Variants in CASK observed in about 807,000 individuals in gnomAD.
The protein encoded by CASK is calcium/calmodulin dependent serine protein kinase, also known as peripheral plasma membrane protein CASK.
Under a neutral mutation model 82.9 loss-of-function variants are expected in CASK, and 4 were observed. That is an observed-to-expected ratio of 0.05 (90% confidence interval 0.02 to 0.11). The LOEUF is 0.11. CASK is among the 10% of genes least tolerant of loss of function. The probability of loss-of-function intolerance (pLI) is 1.00; values close to 1 mark genes in which losing one functional copy is unlikely to be tolerated. For synonymous variants in CASK, 259 were observed against 253.5 expected (o/e 1.02, Z -0.20); for missense variants, 358 against 720.9 (o/e 0.50, Z 5.76).
At chrX:41,553,442 G>C (rs1351684445) in intron 21 of CASK, among the ~76,000 whole-genome samples, 1 of 110,867 alleles carries the variant, frequency 9.0e-6, no homozygotes, top group Non-Finnish European at 1.9e-5. Context: ...GGAGGGCTCT[G>C]CTGTGAGACC....
intron 1 of CASK, among the ~76,000 whole-genome samples, chrX:41,913,195 G>C (rs2072613908): frequency 9.0e-6 from 1 of 111,631 alleles, no homozygotes; most frequent in Non-Finnish European, 1.9e-5. Context: ...ACTCATTTGA[G>C]CTCCCTGAGG....
chrX:41,569,293 G>T (rs1463896071), intron 16 of CASK, among the ~76,000 whole-genome samples: 4 of 111,077 alleles, frequency 3.6e-5, no homozygotes, highest in African/African-American at 3.3e-5. Flanking sequence ...TATCTCCCGT[G>T]GTCCCCGTAA....
intron 8 of CASK, among the ~76,000 whole-genome samples, chrX:41,648,004 G>A (rs990285761): frequency 6.2e-5 from 7 of 112,213 alleles, no homozygotes; most frequent in African/African-American, 2.3e-4. Flanking sequence ...CAAGGAATAC[G>A]AGAGATAACC....
intron 1 of CASK, among the ~76,000 whole-genome samples, chrX:41,883,683 T>C (rs762035171): frequency 1.8e-5 from 2 of 111,405 alleles, no homozygotes; most frequent in Non-Finnish European, 3.8e-5. Flanking sequence ...CAGCAGCCAA[T>C]AGCTATTAAA....
chrX:41,622,668 AC>A, intron 10 of CASK, 34 bp from the exon 11 acceptor site: 1 of 1,156,350 alleles, frequency 8.6e-7, no homozygotes, highest in Non-Finnish European at 1.2e-6. Context: ...CAAACAACAA[AC>A]AGTATGATTT....
chrX:41,826,000 T>G (rs967974680), intron 2 of CASK, among the ~76,000 whole-genome samples: 1 of 112,491 alleles, frequency 8.9e-6, no homozygotes, highest in Non-Finnish European at 1.9e-5. Context: ...AATTATTCAC[T>G]GCTGTCATAT....
intron 3 of CASK, among the ~76,000 whole-genome samples, chrX:41,766,693 C>T (rs2069121453): frequency 8.9e-6 from 1 of 111,796 alleles, no homozygotes; most frequent in African/African-American, 3.3e-5. Flanking sequence ...TTGAGACCAG[C>T]CTGGCCAAAA....
chrX:41,901,390 G>A (rs2072377480), intron 1 of CASK, among the ~76,000 whole-genome samples: 1 of 110,276 alleles, frequency 9.1e-6, no homozygotes, highest in African/African-American at 3.3e-5. Flanking sequence ...GATTGGCTGA[G>A]GCAGTGGTAT....
At chrX:41,658,716 T>C (rs1174406041) in intron 8 of CASK, among the ~76,000 whole-genome samples, 1 of 111,241 alleles carries the variant, frequency 9.0e-6, no homozygotes, top group African/African-American at 3.3e-5. Flanking sequence ...GAGCAGGTGT[T>C]CCAGAAGCCC....
chrX:41,902,217 T>G (rs2072396166), intron 1 of CASK, among the ~76,000 whole-genome samples: 1 of 112,042 alleles, frequency 8.9e-6, no homozygotes, highest in Admixed American at 9.4e-5. Context: ...TATTCATAAT[T>G]TCCTACTACT....
chrX:41,524,222 C>A (rs2064679958), intron 25 of CASK, 188 bp from the exon 26 acceptor site: 1 of 422,243 alleles, frequency 2.4e-6, no homozygotes, highest in Admixed American at 4.2e-5. Flanking sequence ...AAAGGATGGA[C>A]AATAGCCATC....
intron 1 of CASK, among the ~76,000 whole-genome samples, chrX:41,920,492 A>G (rs1308204770): frequency 1.8e-5 from 2 of 111,987 alleles, no homozygotes; most frequent in African/African-American, 3.2e-5. Context: ...ACATAATGGC[A>G]TTTTATAATT....
At chrX:41,645,914 GA>G (rs1396174964) in intron 8 of CASK, among the ~76,000 whole-genome samples, 1 of 109,762 alleles carries the variant, frequency 9.1e-6, no homozygotes, top group Non-Finnish European at 1.9e-5. Context: ...CTCTCACCTA[GA>G]TAGATGCTCC....
intron 12 of CASK, among the ~76,000 whole-genome samples, chrX:41,606,843 C>A (rs968271255): frequency 1.8e-5 from 2 of 110,356 alleles, no homozygotes; most frequent in African/African-American, 6.6e-5. Context: ...CAGGCATACA[C>A]CACCATGCCC....
chrX:41,912,685 G>A lies in CASK; in HGVS notation c.59+10245C>T, dbSNP rs189199699. On this transcript the variant is annotated intron_variant, in intron 1 of 26. Transcript: ENST00000378163. ...GGTGCAGTGGTTCATGCCTGTAATC[G>A]CAGCGCTTTGGGAGGTTGGGGCAGG... Among the ~76,000 whole-genome samples, 4 of 105,930 alleles carry A rather than the reference G, an allele frequency of 3.8e-5. No individual in the cohort carries two copies. The East Asian group carries it at 8.8e-4, about 23-fold the overall frequency. The allele number at this position is 105,930 out of a possible 115,157, so 92.0% of individuals were successfully genotyped here. A position where few individuals can be genotyped will look rare whatever the true frequency, so the allele number is the denominator to read the frequency against.
chrX:41,605,739 T>C lies in CASK; in HGVS notation c.1155+4165A>G, dbSNP rs765583585. ...TGTCTCCCAGGCTACCGTGCAGTGG[T>C]GTGATCTTAGCTCACTGCTACGTCC... On this transcript the variant is annotated intron_variant, in intron 12 of 26. Coordinates refer to ENST00000378163, the MANE Select transcript of CASK (RefSeq NM_001367721.1). Among the ~76,000 whole-genome samples, 28 of 112,075 alleles carry C rather than the reference T, an allele frequency of 2.5e-4. No homozygotes were observed. The East Asian group carries it at 7.0e-3, about 28-fold the overall frequency.
chrX:41,706,488 G>C (rs1391301108), intron 5 of CASK, among the ~76,000 whole-genome samples: 1 of 111,430 alleles, frequency 9.0e-6, no homozygotes, highest in Non-Finnish European at 1.9e-5. Flanking sequence ...CAGCTCTCAG[G>C]ATCAAACTAG....
At chrX:41,888,663 G>A (rs1426953834) in intron 1 of CASK, among the ~76,000 whole-genome samples, 1 of 99,913 alleles carries the variant, frequency 1.0e-5, no homozygotes, top group Non-Finnish European at 2.0e-5. Flanking sequence ...ATATGTGTGT[G>A]TATATATGTA....
chrX:41,774,176 GTATATC>G (rs1464876345), intron 3 of CASK, among the ~76,000 whole-genome samples: 1 of 110,863 alleles, frequency 9.0e-6, no homozygotes, highest in African/African-American at 3.3e-5. Context: ...TGACATGATT[GTATATC>G]TAGAAAACCC....
Sources: gnomAD v4.1 joint callset for allele counts (sites outside exome capture counted in the v4.1 genomes callset) on GRCh38, gnomAD v4.1.1 for gene constraint, MANE v1.5 for transcripts, NCBI Gene and HGNC (gene_info 2026-07-23, HGNC 2026-07-21) for gene names.